CCDC146: variants seen among roughly 807,000 people sequenced by gnomAD.
CCDC146 encodes the protein coiled-coil domain containing 146.
In CCDC146, 92 loss-of-function variants were observed where a neutral mutation model predicts 119.3. The ratio of observed to expected loss-of-function variants is 0.77; its 90% CI spans 0.65 to 0.92. The LOEUF (loss-of-function observed/expected upper bound fraction) is 0.92. CCDC146 is among the 40% of genes least tolerant of loss of function. CCDC146 has a pLI of 0.00. For synonymous variants in CCDC146, 372 were observed against 371.8 expected, an observed-to-expected ratio of 1.00 and a Z score of -0.01; for missense variants, 1,000 against 1,103.0, an observed-to-expected ratio of 0.91 and a Z score of 1.32.
intron 4 of CCDC146, among the ~76,000 whole-genome samples, chr7:77,248,018 T>C (rs1420106042): frequency 1.3e-5 from 2 of 152,208 alleles, no homozygotes; most frequent in African/African-American, 4.8e-5. Flanking sequence ...ATAGCAAAGA[T>C]AAGGCATCAA....
chr7:77,191,110 G>T (rs536531332), intron 2 of CCDC146, among the ~76,000 whole-genome samples: 3 of 151,988 alleles, frequency 2.0e-5, no homozygotes, highest in Non-Finnish European at 4.4e-5. Context: ...ATAGGTTCTT[G>T]GAAACAGCAA....
intron 1 of CCDC146, among the ~76,000 whole-genome samples, chr7:77,150,281 T>C (rs1038720200): frequency 2.6e-5 from 4 of 151,996 alleles, no homozygotes; most frequent in African/African-American, 9.7e-5. Flanking sequence ...CTAGGAGACA[T>C]TGAGAGAAAA....
At chr7:77,267,382 G>A (rs1043437301) in intron 9 of CCDC146, among the ~76,000 whole-genome samples, 7 of 152,132 alleles carry the variant, frequency 4.6e-5, no homozygotes, top group Non-Finnish European at 8.8e-5. Context: ...GGCATAGAAA[G>A]TTTGTCCATG....
chr7:77,234,201 A>G (rs1249406535), intron 2 of CCDC146, among the ~76,000 whole-genome samples: 1 of 151,390 alleles, frequency 6.6e-6, no homozygotes, highest in Non-Finnish European at 1.5e-5. Flanking sequence ...TTACCTTTTC[A>G]TAATCTTTTC....
intron 2 of CCDC146, among the ~76,000 whole-genome samples, chr7:77,227,458 A>C (rs1358056379): frequency 3.9e-5 from 6 of 152,128 alleles, no homozygotes; most frequent in Non-Finnish European, 7.3e-5. Flanking sequence ...GGTGCCTGCC[A>C]CCACGCCCGG....
At chr7:77,148,619 A>G (rs1297016243) in intron 1 of CCDC146, among the ~76,000 whole-genome samples, 2 of 152,120 alleles carry the variant, frequency 1.3e-5, no homozygotes, top group Non-Finnish European at 2.9e-5. Context: ...CTGATGAGCA[A>G]CTTTGTCAAC....
At chr7:77,253,818 G>A (rs1216129696) in intron 4 of CCDC146, among the ~76,000 whole-genome samples, 2 of 152,226 alleles carry the variant, frequency 1.3e-5, no homozygotes, top group Non-Finnish European at 2.9e-5. Context: ...TCTGCATGAA[G>A]CAAGAAGTGA....
At chr7:77,267,522 G>T (rs1793430024) in intron 9 of CCDC146, among the ~76,000 whole-genome samples, 1 of 32,014 alleles carries the variant, frequency 3.1e-5, no homozygotes, top group Non-Finnish European at 5.9e-5. Context: ...TTGTAGACTT[G>T]ATCTTTTTTT....
At chr7:77,167,868 C>T (rs1232346652) in intron 2 of CCDC146, 44 bp downstream of exon 2, 3 of 1,589,628 alleles carry the variant, frequency 1.9e-6, no homozygotes, top group South Asian at 2.3e-5. Context: ...CCCAACTCAA[C>T]ATGTACTTAA....
chr7:77,268,972 A>G (rs1272494440), intron 9 of CCDC146, among the ~76,000 whole-genome samples: 5 of 152,150 alleles, frequency 3.3e-5, no homozygotes, highest in Non-Finnish European at 7.4e-5. Context: ...TTCCCATTGT[A>G]TCCATCGTGT....
At chr7:77,146,697 G>A (rs1791025813) in intron 1 of CCDC146, among the ~76,000 whole-genome samples, 1 of 152,142 alleles carries the variant, frequency 6.6e-6, no homozygotes, top group East Asian at 1.9e-4. Flanking sequence ...ATGAAATTCT[G>A]GGTTGAAAAT....
intron 1 of CCDC146, among the ~76,000 whole-genome samples, chr7:77,155,487 G>A (rs1398035591): frequency 6.6e-6 from 1 of 151,832 alleles, no homozygotes; most frequent in African/African-American, 2.4e-5. Context: ...AAAGGGCTTT[G>A]CTAAGACCAC....
chr7:77,182,062 T>C (rs6957211), intron 2 of CCDC146, among the ~76,000 whole-genome samples: 1,875 of 152,292 alleles, frequency 0.012, 40 homozygotes, highest in African/African-American at 0.042. Context: ...TTTCAGCCTA[T>C]GCAATCCAGG....
At chr7:77,275,273 G>A (rs1387975215) in intron 11 of CCDC146, among the ~76,000 whole-genome samples, 2 of 152,022 alleles carry the variant, frequency 1.3e-5, no homozygotes, top group Non-Finnish European at 2.9e-5. Context: ...GAATATGCTT[G>A]GATTTTTGTA....
chr7:77,220,418 C>G (rs79297309), intron 2 of CCDC146, among the ~76,000 whole-genome samples: 2,791 of 152,258 alleles, frequency 0.018, 38 homozygotes, highest in Middle Eastern at 0.051. Context: ...ACAATTTGTA[C>G]AGATAATGCA....
chr7:77,206,655 ATATAT>A (rs763648845), intron 2 of CCDC146, among the ~76,000 whole-genome samples: 3 of 86,894 alleles, frequency 3.5e-5, no homozygotes, highest in African/African-American at 1.2e-4. Context: ...ATACATATAT[ATATAT>A]ATATATATAT....
Position 77,274,620 on chromosome 7 carries a change from G to A in CCDC146, c.1408G>A (p.Glu470Lys). The change falls in exon 11 of 19, where the codon GAA becomes AAA. Residue 470 changes from glutamate to lysine, a missense_variant. Coordinates refer to ENST00000285871, the MANE Select transcript of CCDC146 (RefSeq NM_020879.3). ...RMTQIKIDEK[E>K]QKSKDFLKAQ... ...GACTCAAATCAAAATTGATGAAAAG[G>A]AACAAAAGTCCAAGGATTTCCTGAA... The A allele has an allele frequency of 6.2e-7, 1 of 1,610,060 alleles. No individual in the cohort carries two copies. The highest frequency in any genetic ancestry group is 1.1e-5 in the South Asian group (1 of 90,374).
chr7:77,144,041 T>C (rs1273543453), intron 1 of CCDC146, among the ~76,000 whole-genome samples: 1 of 151,780 alleles, frequency 6.6e-6, no homozygotes, highest in Non-Finnish European at 1.5e-5. Context: ...ATTCTTCCTA[T>C]CCATGAGCAT....
chr7:77,154,850 C>T (rs1791158832), intron 1 of CCDC146, among the ~76,000 whole-genome samples: 1 of 152,006 alleles, frequency 6.6e-6, no homozygotes, highest in East Asian at 1.9e-4. Flanking sequence ...AATGGTATTT[C>T]TAGTTCTAGA....
Sources: gnomAD v4.1 joint callset for allele counts (sites outside exome capture counted in the v4.1 genomes callset) on GRCh38, gnomAD v4.1.1 for gene constraint, MANE v1.5 for transcripts, NCBI Gene and HGNC (gene_info 2026-07-23, HGNC 2026-07-21) for gene names.